Variants in ADAMTSL1 observed in about 807,000 individuals in gnomAD.
The protein encoded by ADAMTSL1 is ADAMTS-like protein 1.
Under a neutral mutation model 201.8 loss-of-function variants are expected in ADAMTSL1, and 126 were observed. The observed-to-expected ratio is 0.62, with a 90% CI of 0.54 to 0.72. The LOEUF is 0.72. ADAMTSL1 is among the 30% of genes least tolerant of loss of function. The probability of loss-of-function intolerance (pLI) is 0.00; values close to 1 mark genes in which losing one functional copy is unlikely to be tolerated. For missense variants in ADAMTSL1, 2,679 were observed against 2,277.8 expected, an observed-to-expected ratio of 1.18 and a Z score of -3.59; for synonymous variants, 1,121 against 903.4, an observed-to-expected ratio of 1.24 and a Z score of -4.32.
intron 2 of ADAMTSL1, among the ~76,000 whole-genome samples, chr9:18,532,629 A>AT (rs1041186625): frequency 6.6e-6 from 1 of 151,798 alleles, no homozygotes; most frequent in Non-Finnish European, 1.5e-5. Context: ...AAGTGATGTG[A>AT]TTTTTTTTAT....
chr9:18,680,792 A>C (rs1048863453), intron 11 of ADAMTSL1: 4 of 438,308 alleles, frequency 9.1e-6, no homozygotes, highest in African/African-American at 7.9e-5. Flanking sequence ...ACTGCCTTTC[A>C]AGGGTAATTG....
At chr9:17,972,124 A>T (rs1166339885) in intron 1 of ADAMTSL1, among the ~76,000 whole-genome samples, 1 of 151,432 alleles carries the variant, frequency 6.6e-6, no homozygotes, top group African/African-American at 2.4e-5. Context: ...TGGTGAGAAC[A>T]TTTAAGTTCT....
chr9:18,174,586 A>G (rs1223160717), intron 2 of ADAMTSL1, among the ~76,000 whole-genome samples: 3 of 152,174 alleles, frequency 2.0e-5, no homozygotes, highest in African/African-American at 7.2e-5. Context: ...GAATTTTAAA[A>G]TTTTCTAATA....
Position 18,904,678 on chromosome 9 carries a change from G to A in ADAMTSL1, c.4852-1104G>A, listed in dbSNP as rs1362470375. ...AAAAAAAAAAAAAAAAAAAAGGTCC[G>A]TTTATGTGTATTTTACGATTTAAAA... On this transcript the variant is annotated intron_variant, in intron 26 of 28. Transcript: ENST00000380548. Among the ~76,000 whole-genome samples, 3 of 89,088 alleles carry A rather than the reference G, an allele frequency of 3.4e-5. 1 individual carries two copies. The highest frequency in any genetic ancestry group is 1.3e-4 in the African/African-American group (3 of 22,782). 58.4% of individuals were successfully genotyped at this position (89,088 alleles called of 152,430 possible).
At chr9:18,244,468 T>A (rs146255075) in intron 2 of ADAMTSL1, among the ~76,000 whole-genome samples, 37 of 152,262 alleles carry the variant, frequency 2.4e-4, no homozygotes, top group African/African-American at 8.7e-4. Context: ...ACACCCCATG[T>A]ACTTCTCCAG....
At chr9:18,704,116 A>T (rs1478846544) in intron 13 of ADAMTSL1, among the ~76,000 whole-genome samples, 1 of 152,188 alleles carries the variant, frequency 6.6e-6, no homozygotes, top group African/African-American at 2.4e-5. Flanking sequence ...GGAAAACTAC[A>T]GTCCACAGGC....
chr9:18,707,607 G>C (rs1832303989), intron 14 of ADAMTSL1, among the ~76,000 whole-genome samples: 1 of 152,202 alleles, frequency 6.6e-6, no homozygotes, highest in Non-Finnish European at 1.5e-5. Context: ...AAGAATCAAA[G>C]AAACAAAGTG....
chr9:18,512,232 G>A (rs1221803039), intron 2 of ADAMTSL1, among the ~76,000 whole-genome samples: 1 of 151,896 alleles, frequency 6.6e-6, no homozygotes, highest in Admixed American at 6.6e-5. Flanking sequence ...ATATATCTTA[G>A]GGGGGTGTAT....
At chr9:18,723,311 A>G (rs1817661005) in intron 15 of ADAMTSL1, 1 of 557,394 alleles carries the variant, frequency 1.8e-6, no homozygotes. Context: ...CCATTATTTG[A>G]AAAACATGCA....
At chr9:18,584,162 T>TC (rs1438044895) in intron 4 of ADAMTSL1, among the ~76,000 whole-genome samples, 3 of 152,166 alleles carry the variant, frequency 2.0e-5, no homozygotes, top group Non-Finnish European at 2.9e-5. Flanking sequence ...GAATTGTAAC[T>TC]CCCACAATTC....
intron 2 of ADAMTSL1, among the ~76,000 whole-genome samples, chr9:18,446,496 C>T (rs1056638877): frequency 1.3e-5 from 2 of 152,210 alleles, no homozygotes; most frequent in Admixed American, 6.5e-5. Flanking sequence ...AAAAGTATCA[C>T]AAAATGTCAA....
intron 23 of ADAMTSL1, among the ~76,000 whole-genome samples, chr9:18,868,154 T>A (rs1287707257): frequency 6.6e-6 from 1 of 152,202 alleles, no homozygotes; most frequent in Admixed American, 6.5e-5. Flanking sequence ...ATATATGTCA[T>A]TTCTAGAAGT....
In ADAMTSL1 at chr9:18,877,494, T is replaced by C. The variant is rs553320303; in HGVS notation, c.4250-10337T>C. On this transcript the variant is annotated intron_variant, in intron 23 of 28. Coordinates refer to ENST00000380548, the MANE Select transcript of ADAMTSL1 (RefSeq NM_001040272.6). ...GGGAGCTGAACTGCAGTGATAGTTA[T>C]TTCTCTTCTGGGTTTAGCCATCCAG... 1.0e-3 allele frequency among the ~76,000 whole-genome samples: 159 copies of C among 152,296 alleles called. 1 individual carries two copies. The highest frequency in any genetic ancestry group is 2.0e-3 in the Non-Finnish European group (133 of 68,014).
At chr9:17,959,156 T>C (rs1417598840) in intron 1 of ADAMTSL1, among the ~76,000 whole-genome samples, 1 of 152,202 alleles carries the variant, frequency 6.6e-6, no homozygotes, top group African/African-American at 2.4e-5. Context: ...ATTTTGAATA[T>C]GTTTGACTTA....
At chr9:18,308,081 T>G (rs373517045) in intron 2 of ADAMTSL1, among the ~76,000 whole-genome samples, 5 of 152,236 alleles carry the variant, frequency 3.3e-5, no homozygotes, top group African/African-American at 1.2e-4. Flanking sequence ...AACAACCTGC[T>G]CCTGAATGAC....
intron 1 of ADAMTSL1, among the ~76,000 whole-genome samples, chr9:18,134,198 G>A (rs1185725139): frequency 6.6e-6 from 1 of 152,100 alleles, no homozygotes; most frequent in East Asian, 1.9e-4. Flanking sequence ...AAAAGAAATG[G>A]GGCTCTAACC....
chr9:18,268,183 G>A (rs1457793496), intron 2 of ADAMTSL1, among the ~76,000 whole-genome samples: 3 of 152,118 alleles, frequency 2.0e-5, no homozygotes, highest in African/African-American at 7.2e-5. Context: ...AAGTCACTGT[G>A]TTTATTCTGA....
chr9:18,706,413 C>T (rs1445433849), intron 13 of ADAMTSL1, among the ~76,000 whole-genome samples: 1 of 152,106 alleles, frequency 6.6e-6, no homozygotes, highest in Non-Finnish European at 1.5e-5. Flanking sequence ...AAATTCCTAT[C>T]TCATTGGAAT....
At chr9:18,489,252 CT>C (rs1409426160) in intron 1 of ADAMTSL1, among the ~76,000 whole-genome samples, 1 of 152,200 alleles carries the variant, frequency 6.6e-6, no homozygotes, top group Non-Finnish European at 1.5e-5. Context: ...TATAAACTCC[CT>C]TCCTCCCTGT....
Sources: gnomAD v4.1 joint callset for allele counts (sites outside exome capture counted in the v4.1 genomes callset) on GRCh38, gnomAD v4.1.1 for gene constraint, MANE v1.5 for transcripts, NCBI Gene and HGNC (gene_info 2026-07-23, HGNC 2026-07-21) for gene names.